The following XAGE2 variants were observed in gnomAD, a reference collection of about 807,000 sequenced individuals.
XAGE2 encodes the protein G antigen family D member 3.
Under a neutral mutation model 9.9 loss-of-function variants are expected in XAGE2, and 7 were observed. That is an observed-to-expected ratio of 0.71 (90% confidence interval 0.40 to 1.32). The LOEUF is 1.32. XAGE2 is among the 40% of genes most tolerant of loss of function. XAGE2 has a pLI of 0.01. For missense variants in XAGE2, 85 were observed against 81.0 expected (o/e 1.05, Z -0.19); for synonymous variants, 31 against 26.8 (o/e 1.16, Z -0.48).
In XAGE2 at chrX:52,375,583, CAG is replaced by C. The variant is rs1197709505; in HGVS notation, c.329_330del (p.Gln110ArgfsTer16). 12 of 1,203,446 alleles carry C rather than the reference CAG, an allele frequency of 1.0e-5. No homozygotes were observed. In the East Asian group the frequency reaches 3.6e-4, roughly 36 times the overall value. The part of the protein sequence containing the change: ...KMPEAGEGKS[Q>X]V Reference sequence around the variant, plus strand: ...TTCTATTACAGGTGAAGGGAAATCACAGGTTTAAAGGAAGATAAGCTGAAACA... The same window carrying C: ...TTCTATTACAGGTGAAGGGAAATCACGTTTAAAGGAAGATAAGCTGAAACA... On this transcript the variant is annotated frameshift_variant, in exon 5 of 5. Transcript: ENST00000286049. LOFTEE classifies it high-confidence loss of function.
chrX:52,374,494 A>G (rs1328897049), intron 4 of XAGE2, among the ~76,000 whole-genome samples: 3 of 112,064 alleles, frequency 2.7e-5, no homozygotes, highest in Non-Finnish European at 5.6e-5. Flanking sequence ...TGGCCTCCCA[A>G]AGTGCTGGGA....
At chrX:52,372,428 T>C (rs1439417885) in intron 3 of XAGE2, 116 bp from the exon 4 acceptor site, 1 of 953,919 alleles carries the variant, frequency 1.0e-6, no homozygotes, top group Non-Finnish European at 1.5e-6. Context: ...ATCACATTTA[T>C]TATCACACTA....
intron 4 of XAGE2, among the ~76,000 whole-genome samples, chrX:52,373,181 G>T (rs1468081844): frequency 1.8e-5 from 2 of 112,241 alleles, no homozygotes; most frequent in Non-Finnish European, 3.8e-5. Context: ...GGAGAGAATA[G>T]AAAGATATTC....
At chrX:52,370,466 T>C (rs1299536344) in intron 2 of XAGE2, 101 bp from the exon 3 acceptor site, 1 of 724,519 alleles carries the variant, frequency 1.4e-6, no homozygotes, top group Non-Finnish European at 2.2e-6. Flanking sequence ...TAGACTTACT[T>C]GTGATTAGAA....
rs915005240 is a variant in XAGE2, at chrX:52,375,155, T to C, written c.314-414T>C. On this transcript the variant is annotated intron_variant, in intron 4 of 4. Coordinates refer to ENST00000286049, the MANE Select transcript of XAGE2 (RefSeq NM_130777.3). ...AGCCTATTTGACATCCAGACCATAG[T>C]TTCAAGCCAAAATATTAAATTGTAC... is the stretch of plus-strand genomic sequence containing the variant. Among the ~76,000 whole-genome samples, 6 of 112,245 alleles carry C rather than the reference T, an allele frequency of 5.3e-5. No homozygotes were observed. The East Asian group carries it at 1.1e-3, about 21-fold the overall frequency.
At position 52,375,621 on chromosome X, in the gene XAGE2, T is replaced by C; in HGVS notation, c.*30T>C. The stretch of plus-strand genomic sequence containing the variant: ...AGATAAGCTGAAACAACACAAACTG[T>C]TTTTATATTAGATATTTTACTTTAA... On this transcript the variant is annotated 3_prime_UTR_variant, in exon 5 of 5. Transcript: ENST00000286049. 3.4e-6 allele frequency: 4 copies of C among 1,167,830 alleles called. No homozygotes were observed. The East Asian group carries it at 1.2e-4, about 35-fold the overall frequency.
chrX:52,370,480 C>T, intron 2 of XAGE2, 87 bp from the exon 3 acceptor site: 1 of 769,433 alleles, frequency 1.3e-6, no homozygotes, highest in East Asian at 3.2e-5. Flanking sequence ...ATTAGAAATA[C>T]CTGTGTATTC....
At chrX:52,372,397 A>G in intron 3 of XAGE2, 147 bp from the exon 4 acceptor site, 1 of 761,158 alleles carries the variant, frequency 1.3e-6, no homozygotes, top group Non-Finnish European at 1.9e-6. Flanking sequence ...ATACAGGAAA[A>G]CAAAAGTGTG....
intron 3 of XAGE2, 25 bp from the exon 4 acceptor site, chrX:52,372,519 G>A: frequency 1.7e-6 from 2 of 1,209,314 alleles, no homozygotes; most frequent in South Asian, 3.5e-5. Flanking sequence ...TTGTACTCAA[G>A]TTCAATAACC....
chrX:52,373,459 A>G (rs1362151531), intron 4 of XAGE2, among the ~76,000 whole-genome samples: 2 of 111,680 alleles, frequency 1.8e-5, no homozygotes, highest in Admixed American at 9.6e-5. Flanking sequence ...TCTGTGGCCA[A>G]TGAAGTAGGG....
intron 4 of XAGE2, among the ~76,000 whole-genome samples, chrX:52,374,774 T>A (rs1921274202): frequency 8.9e-6 from 1 of 111,886 alleles, no homozygotes; most frequent in Non-Finnish European, 1.9e-5. Context: ...CCGTTTCTTT[T>A]TTTTCGTGCC....
Position 52,370,023 on chromosome X carries a change from G to T in XAGE2, c.9G>T (p.Trp3Cys). The change falls in exon 2 of 5, where the codon TGG (tryptophan) becomes TGT (cysteine). Residue 3 changes from tryptophan (W) to cysteine (C), a missense_variant. By Grantham distance (215) the Trp-to-Cys change is radical. Coordinates refer to ENST00000286049, the MANE Select transcript of XAGE2 (RefSeq NM_130777.3). Reference protein sequence around the residue: MSWRGRSTYRPRP... With the variant: MSCRGRSTYRPRP... ...TGTTTGCAGAGTGAAATATGAGTTGGCGAGGAAGATCAACATATAGGCCTA... is the reference window on the plus strand; with the variant it reads ...TGTTTGCAGAGTGAAATATGAGTTGTCGAGGAAGATCAACATATAGGCCTA... The T allele has an allele frequency of 1.8e-5, 22 of 1,211,951 alleles. No individual in the cohort carries two copies. The highest frequency in any genetic ancestry group is 2.5e-5 in the Non-Finnish European group (22 of 895,273).
intron 1 of XAGE2, among the ~76,000 whole-genome samples, chrX:52,369,496 G>T (rs1323638834): frequency 2.2e-4 from 24 of 110,640 alleles, no homozygotes; most frequent in African/African-American, 7.6e-4. Flanking sequence ...AATGCTATGA[G>T]CTGGTGACCG....
At chrX:52,374,311 A>G (rs937802754) in intron 4 of XAGE2, among the ~76,000 whole-genome samples, 4 of 111,872 alleles carry the variant, frequency 3.6e-5, no homozygotes, top group Non-Finnish European at 7.5e-5. Flanking sequence ...ATCTTGGCTG[A>G]CTGCAACCTC....
intron 4 of XAGE2, among the ~76,000 whole-genome samples, chrX:52,373,921 C>T (rs1460016818): frequency 9.0e-6 from 1 of 111,105 alleles, no homozygotes; most frequent in Admixed American, 9.6e-5. Flanking sequence ...GCCTTAAATG[C>T]ACATCTTATT....
chrX:52,371,610 T>A (rs1427666279), intron 3 of XAGE2, among the ~76,000 whole-genome samples: 2 of 112,015 alleles, frequency 1.8e-5, no homozygotes, highest in Non-Finnish European at 3.8e-5. Context: ...GGACCATGGA[T>A]TATTTTAGCA....
chrX:52,370,064 T>C lies in XAGE2; in HGVS notation c.50T>C (p.Leu17Ser). ...TATAGGCCTAGGCCAAGAAGAAGTT[T>C]ACAGCCTCCTGAGCTGATTGGGGCT... ...STYRPRPRRSLQPPELIGAML... is the reference protein window; with the variant it reads ...STYRPRPRRSSQPPELIGAML... The change falls in exon 2 of 5, where the codon TTA (leucine) becomes TCA (serine). Residue 17 changes from leucine (L) to serine (S), a missense_variant. Leu to Ser is a moderately radical substitution (Grantham distance 145). Transcript: ENST00000286049. 8.2e-7 allele frequency: 1 copy of C among 1,212,256 alleles called. No individual in the cohort carries two copies. Among genetic ancestry groups the C allele is most frequent in the East Asian group, 3.0e-5 (1 of 33,861 alleles).
rs1038884998 is a variant in XAGE2 at position 52,371,167 on chromosome X, C to A, written c.187+495C>A. 4.5e-5 allele frequency among the ~76,000 whole-genome samples: 5 copies of A among 111,972 alleles called. No homozygotes were observed. In the South Asian group the frequency reaches 1.9e-3, roughly 42 times the overall value. ...CTCAGAGATAGAGGCTTACCAAGAA[C>A]GCTTGAGTCATGGAGGCAGAATTCA... On this transcript the variant is annotated intron_variant, in intron 3 of 4. Coordinates refer to ENST00000286049, the MANE Select transcript of XAGE2 (RefSeq NM_130777.3).
At chrX:52,372,969 A>G (rs969711327) in intron 4 of XAGE2, among the ~76,000 whole-genome samples, 3 of 112,507 alleles carry the variant, frequency 2.7e-5, no homozygotes, top group Non-Finnish European at 5.6e-5. Context: ...TAACAAATAC[A>G]TAATGCATTT....
Sources: gnomAD v4.1 joint callset for allele counts (sites outside exome capture counted in the v4.1 genomes callset) on GRCh38, gnomAD v4.1.1 for gene constraint, MANE v1.5 for transcripts, NCBI Gene and HGNC (gene_info 2026-07-23, HGNC 2026-07-21) for gene names.